The following DTNB variants were observed in gnomAD, a reference collection of about 807,000 sequenced individuals.
The protein encoded by DTNB is dystrobrevin beta, also known as DTN-B.
A neutral mutation model predicts 90.7 loss-of-function variants in DTNB; 63 were observed. The observed-to-expected ratio is 0.69, with a 90% confidence interval of 0.57 to 0.86. The LOEUF (loss-of-function observed/expected upper bound fraction) is 0.86, where lower values mean the gene tolerates loss of function less well. Among genes scored for constraint, DTNB ranks in the 40% least tolerant of loss-of-function variants. The pLI is 0.00. For missense variants in DTNB, 744 were observed against 807.1 expected (o/e 0.92, Z 0.95); for synonymous variants, 277 against 286.7 (o/e 0.97, Z 0.34).
rs1444020021 is a variant in DTNB, at chr2:25,468,025, T to C, written c.1080-12531A>G. 2.6e-5 allele frequency among the ~76,000 whole-genome samples: 4 copies of C among 152,010 alleles called. No individual in the cohort carries two copies. The East Asian group carries it at 7.7e-4, about 29-fold the overall frequency. Reference sequence around the variant, plus strand: ...TGTGTACCATGTGGTGGCTGGGAAGTGTTCTGAGGTCAGTTATATACCTGT... The same window carrying C: ...TGTGTACCATGTGGTGGCTGGGAAGCGTTCTGAGGTCAGTTATATACCTGT... On this transcript the variant is annotated intron_variant, in intron 10 of 20. Coordinates refer to ENST00000406818, the MANE Select transcript of DTNB (RefSeq NM_021907.5).
chr2:25,577,200 T>G (rs1262590129), intron 7 of DTNB, among the ~76,000 whole-genome samples, 196 bp from the exon 8 acceptor site: 3 of 152,102 alleles, frequency 2.0e-5, no homozygotes, highest in African/African-American at 4.8e-5. Flanking sequence ...TATGGGAGGC[T>G]GAGGTGGGCA....
At chr2:25,581,777 T>G (rs1330316838) in intron 6 of DTNB, among the ~76,000 whole-genome samples, 3 of 152,190 alleles carry the variant, frequency 2.0e-5, no homozygotes, top group Non-Finnish European at 4.4e-5. Flanking sequence ...GAGCTGAAAG[T>G]CCAGGTCACA....
At chr2:25,490,580 T>C (rs1575058212) in intron 9 of DTNB, among the ~76,000 whole-genome samples, 1 of 152,152 alleles carries the variant, frequency 6.6e-6, no homozygotes, top group Non-Finnish European at 1.5e-5. Flanking sequence ...GTGTTATTTA[T>C]GGTAGGATAA....
At chr2:25,445,662 C>T (rs762475418) in intron 12 of DTNB, among the ~76,000 whole-genome samples, 5 of 152,180 alleles carry the variant, frequency 3.3e-5, no homozygotes, top group East Asian at 1.9e-4. Context: ...TCAGGTCATG[C>T]GACCTCCAGC....
At chr2:25,552,841 ATTTTTTTTTTTTTT>A (rs544243784) in intron 8 of DTNB, among the ~76,000 whole-genome samples, 18 of 86,042 alleles carry the variant, frequency 2.1e-4, no homozygotes, top group South Asian at 4.5e-4. Flanking sequence ...TCTCTTTTTG[ATTTTTTTTTTTTTT>A]TTTTTTTTTT....
chr2:25,636,753 C>CT (rs559773042), intron 3 of DTNB, among the ~76,000 whole-genome samples: 135 of 151,890 alleles, frequency 8.9e-4, no homozygotes, highest in African/African-American at 3.0e-3. Context: ...ATTTTTCTTC[C>CT]TTTTTTTTCC....
intron 20 of DTNB, among the ~76,000 whole-genome samples, chr2:25,378,387 G>A (rs1344554222): frequency 6.6e-6 from 1 of 152,238 alleles, no homozygotes. Context: ...GCAGGCCGAG[G>A]CTGCAGGGGC....
At chr2:25,648,194 G>A (rs1414837944) in intron 2 of DTNB, among the ~76,000 whole-genome samples, 1 of 152,070 alleles carries the variant, frequency 6.6e-6, no homozygotes, top group Admixed American at 6.6e-5. Flanking sequence ...TTTTCTTGGT[G>A]ATTTTATATC....
chr2:25,447,737 T>C (rs948647798), intron 12 of DTNB, among the ~76,000 whole-genome samples: 10 of 151,812 alleles, frequency 6.6e-5, no homozygotes, highest in African/African-American at 2.2e-4. Flanking sequence ...TTGAACTCCT[T>C]ACCTCAGGTG....
chr2:25,573,523 G>A (rs1275885844), intron 8 of DTNB, among the ~76,000 whole-genome samples: 2 of 152,142 alleles, frequency 1.3e-5, no homozygotes, highest in Non-Finnish European at 2.9e-5. Context: ...CCAAGAGTCA[G>A]AGCTTTCTCT....
chr2:25,478,547 C>CA (rs1302884907), intron 10 of DTNB, among the ~76,000 whole-genome samples: 1 of 151,608 alleles, frequency 6.6e-6, no homozygotes, highest in Non-Finnish European at 1.5e-5. Context: ...TTTTTAGAGA[C>CA]AGAGTCTCGC....
chr2:25,514,926 G>A (rs920357019), intron 9 of DTNB, among the ~76,000 whole-genome samples: 17 of 151,900 alleles, frequency 1.1e-4, no homozygotes, highest in South Asian at 2.1e-4. Flanking sequence ...AAACTGATCC[G>A]CCTGCCTTGG....
chr2:25,400,164 C>A (rs2043364920), intron 16 of DTNB, among the ~76,000 whole-genome samples: 1 of 152,210 alleles, frequency 6.6e-6, no homozygotes. Context: ...TAAATAAGTA[C>A]AAACTGGAGT....
intron 9 of DTNB, among the ~76,000 whole-genome samples, chr2:25,529,967 T>C (rs1207378436): frequency 6.6e-6 from 1 of 152,172 alleles, no homozygotes; most frequent in Non-Finnish European, 1.5e-5. Context: ...TAATTTTCTG[T>C]TTACAAAGTG....
chr2:25,406,066 G>C (rs1182915871), intron 16 of DTNB, among the ~76,000 whole-genome samples: 4 of 152,148 alleles, frequency 2.6e-5, no homozygotes, highest in Non-Finnish European at 5.9e-5. Context: ...GCAGGGATAT[G>C]GTGGGTGCTG....
chr2:25,473,406 G>A (rs2063169511), intron 10 of DTNB, among the ~76,000 whole-genome samples: 1 of 150,338 alleles, frequency 6.7e-6, no homozygotes, highest in Non-Finnish European at 1.5e-5. Context: ...AGCTTCTTAG[G>A]AGATAAGGTC....
intron 10 of DTNB, among the ~76,000 whole-genome samples, chr2:25,467,294 T>C (rs1057281064): frequency 4.6e-4 from 59 of 129,010 alleles, no homozygotes; most frequent in African/African-American, 1.8e-3. Context: ...TTGTTTTCTT[T>C]CTTTCTTTTT....
At chr2:25,404,548 GTTTA>G (rs2044562314) in intron 16 of DTNB, among the ~76,000 whole-genome samples, 1 of 152,194 alleles carries the variant, frequency 6.6e-6, no homozygotes, top group East Asian at 1.9e-4. Flanking sequence ...CAGCTGCAGA[GTTTA>G]TTTAATAGGC....
At chr2:25,448,416 AAAGAG>A (rs1207155048) in intron 12 of DTNB, among the ~76,000 whole-genome samples, 1 of 152,252 alleles carries the variant, frequency 6.6e-6, no homozygotes, top group Non-Finnish European at 1.5e-5. Flanking sequence ...AGGAGAAGGA[AAAGAG>A]AAAACATTTT....
Sources: allele counts gnomAD v4.1 joint callset (sites outside exome capture counted in the v4.1 genomes callset), GRCh38; gene constraint gnomAD v4.1.1; transcripts MANE v1.5; gene names NCBI Gene and HGNC (gene_info 2026-07-23, HGNC 2026-07-21).